ATP2B1: variants seen among roughly 807,000 people sequenced by gnomAD.
The protein encoded by ATP2B1 is plasma membrane calcium-transporting ATPase 1.
Under a neutral mutation model 124.2 loss-of-function variants are expected in ATP2B1, and 14 were observed. The ratio of observed to expected loss-of-function variants is 0.11; its 90% CI spans 0.07 to 0.18. The LOEUF is 0.18. ATP2B1 is among the 10% of genes least tolerant of loss of function. The pLI is 1.00. For missense variants in ATP2B1, 763 were observed against 1,466.1 expected (o/e 0.52, Z 7.83); for synonymous variants, 449 against 492.4 (o/e 0.91, Z 1.17).
At chr12:89,595,197 T>G (rs1211159799) in intron 20 of ATP2B1, among the ~76,000 whole-genome samples, 1 of 152,042 alleles carries the variant, frequency 6.6e-6, no homozygotes, top group Non-Finnish European at 1.5e-5. Context: ...CAGGTATTAC[T>G]TAAATGAATG....
At chr12:89,645,678 A>G (rs1272527723) in intron 2 of ATP2B1, among the ~76,000 whole-genome samples, 1 of 152,214 alleles carries the variant, frequency 6.6e-6, no homozygotes, top group Non-Finnish European at 1.5e-5. Flanking sequence ...TAGAAGATTT[A>G]CTAGCCAGAA....
At chr12:89,700,225 G>C (rs1205646156) in intron 1 of ATP2B1, among the ~76,000 whole-genome samples, 1 of 152,046 alleles carries the variant, frequency 6.6e-6, no homozygotes, top group Admixed American at 6.6e-5. Context: ...ACGAATCCTT[G>C]TTTTTCTGAG....
chr12:89,692,403 T>C (rs1890652823), intron 1 of ATP2B1, among the ~76,000 whole-genome samples: 1 of 152,212 alleles, frequency 6.6e-6, no homozygotes, highest in Non-Finnish European at 1.5e-5. Flanking sequence ...CTGTGTGGAA[T>C]CTTCACTTTC....
At chr12:89,701,882 T>C (rs1341248412) in intron 1 of ATP2B1, among the ~76,000 whole-genome samples, 1 of 152,012 alleles carries the variant, frequency 6.6e-6, no homozygotes, top group Non-Finnish European at 1.5e-5. Flanking sequence ...GAAAAACACA[T>C]ACACATTCAC....
chr12:89,681,636 TA>T (rs1369174489), intron 1 of ATP2B1, among the ~76,000 whole-genome samples: 1 of 152,160 alleles, frequency 6.6e-6, no homozygotes, highest in Non-Finnish European at 1.5e-5. Flanking sequence ...AAATTGATGC[TA>T]ATATTTTAGT....
intron 11 of ATP2B1, 109 bp from the exon 12 acceptor site, chr12:89,617,148 T>TA (rs1879092715): frequency 1.3e-6 from 1 of 793,178 alleles, no homozygotes; most frequent in South Asian, 1.7e-5. Context: ...ATCTGGAATT[T>TA]AGAGAATTAC....
intron 13 of ATP2B1, among the ~76,000 whole-genome samples, 187 bp downstream of exon 13, chr12:89,611,006 T>C (rs1419827909): frequency 6.6e-6 from 1 of 152,154 alleles, no homozygotes; most frequent in East Asian, 1.9e-4. Flanking sequence ...TTACTCCCTT[T>C]AGTACCAATT....
chr12:89,591,638 T>C (rs1873592119), intron 20 of ATP2B1, among the ~76,000 whole-genome samples: 1 of 151,978 alleles, frequency 6.6e-6, no homozygotes, highest in Non-Finnish European at 1.5e-5. Flanking sequence ...TACACAAGCT[T>C]AGCTGATTTT....
At chr12:89,601,674 A>C (rs1875875516) in intron 18 of ATP2B1, among the ~76,000 whole-genome samples, 1 of 152,134 alleles carries the variant, frequency 6.6e-6, no homozygotes, top group Admixed American at 6.5e-5. Flanking sequence ...TCTGCCCAAT[A>C]TTTTTGATGC....
intron 20 of ATP2B1, chr12:89,598,611 T>C: frequency 6.2e-7 from 1 of 1,613,848 alleles, no homozygotes; most frequent in South Asian, 1.1e-5. Context: ...GTAGAAGCAG[T>C]AGAAGAGGAA....
chr12:89,597,012 G>C (rs1013292398), intron 20 of ATP2B1, among the ~76,000 whole-genome samples: 6 of 152,132 alleles, frequency 3.9e-5, no homozygotes, highest in Admixed American at 3.3e-4. Flanking sequence ...GGTAGGCTAA[G>C]GACCCTGTTA....
chr12:89,673,539 A>T (rs1888244553), intron 1 of ATP2B1, among the ~76,000 whole-genome samples: 1 of 152,202 alleles, frequency 6.6e-6, no homozygotes, highest in Non-Finnish European at 1.5e-5. Context: ...AACAGTTACA[A>T]ATCCTGTCCA....
chr12:89,682,196 A>G (rs1889439667), intron 1 of ATP2B1, among the ~76,000 whole-genome samples: 1 of 152,186 alleles, frequency 6.6e-6, no homozygotes, highest in African/African-American at 2.4e-5. Context: ...AAATCTATAT[A>G]AAGAAAACTG....
intron 1 of ATP2B1, among the ~76,000 whole-genome samples, chr12:89,689,502 A>C (rs1273445845): frequency 6.6e-6 from 1 of 152,132 alleles, no homozygotes; most frequent in African/African-American, 2.4e-5. Context: ...ATGAACTGTA[A>C]AATGGCGTTT....
rs1873265898 is a variant in ATP2B1 at position 89,590,002 on chromosome 12, C to G, written c.*982G>C. The G allele has an allele frequency of 6.6e-6, 1 of 152,152 alleles. No homozygotes were observed. The highest frequency in any genetic ancestry group is 1.5e-5 in the Non-Finnish European group (1 of 67,880). The allele number at this position is 152,152 out of a possible 1,614,324, so 9.4% of individuals were successfully genotyped here. A position where few individuals can be genotyped will look rare whatever the true frequency, so the allele number is the denominator to read the frequency against. ...ACATCACTAAACTAACATGTTTAGA[C>G]AAAAACAAAAAAGACTAAGGTTCTC... On this transcript the variant is annotated 3_prime_UTR_variant, in exon 21 of 21. Coordinates refer to ENST00000428670, the MANE Select transcript of ATP2B1 (RefSeq NM_001366521.1).
At position 89,642,362 on chromosome 12, in the gene ATP2B1, A is replaced by G; in HGVS notation, c.209-7T>C. The G allele has an allele frequency of 6.3e-7, 1 of 1,595,280 alleles. No individual in the cohort carries two copies. The highest frequency in any genetic ancestry group is 8.5e-7 in the Non-Finnish European group (1 of 1,172,660). On this transcript the variant is annotated splice_region_variant and splice_polypyrimidine_tract_variant and intron_variant, in intron 2 of 20. Coordinates refer to ENST00000428670, the MANE Select transcript of ATP2B1 (RefSeq NM_001366521.1). ...GCAGGGTTTCCACTTAAACCTAATAAAAAGAAACAAATTTCAGTGAACAGT... is the reference window on the plus strand; with the variant it reads ...GCAGGGTTTCCACTTAAACCTAATAGAAAGAAACAAATTTCAGTGAACAGT...
At chr12:89,681,460 A>G (rs1422393326) in intron 1 of ATP2B1, among the ~76,000 whole-genome samples, 3 of 150,256 alleles carry the variant, frequency 2.0e-5, no homozygotes, top group Non-Finnish European at 1.5e-5. Flanking sequence ...GGCTCACTGC[A>G]ACCTCCGCCT....
intron 1 of ATP2B1, among the ~76,000 whole-genome samples, chr12:89,690,318 A>G (rs1890414263): frequency 6.7e-6 from 1 of 150,054 alleles, no homozygotes; most frequent in Admixed American, 6.7e-5. Context: ...ATCCTCAATG[A>G]TGGCAAATCT....
intron 5 of ATP2B1, among the ~76,000 whole-genome samples, chr12:89,633,256 A>G (rs1882159121): frequency 6.6e-6 from 1 of 152,068 alleles, no homozygotes; most frequent in Non-Finnish European, 1.5e-5. Context: ...ACACCAATAC[A>G]AAGAAAAATC....
Sources: gnomAD v4.1 joint callset for allele counts (sites outside exome capture counted in the v4.1 genomes callset) on GRCh38, gnomAD v4.1.1 for gene constraint, MANE v1.5 for transcripts, NCBI Gene and HGNC (gene_info 2026-07-23, HGNC 2026-07-21) for gene names.